The following FLI1 variants were observed in gnomAD, a reference collection of about 807,000 sequenced individuals.
FLI1 encodes Fli-1 proto-oncogene, ETS transcription factor.
In FLI1, 13 loss-of-function variants were observed where a neutral mutation model predicts 53.1. That is an observed-to-expected ratio of 0.24 (90% CI 0.16 to 0.39). The LOEUF is 0.39. Among genes scored for constraint, FLI1 ranks in the 10% least tolerant of loss-of-function variants. FLI1 has a pLI of 1.00. For missense variants in FLI1, 424 were observed against 600.5 expected (o/e 0.71, Z 3.07); for synonymous variants, 244 against 236.7 (o/e 1.03, Z -0.28).
chr11:128,733,085 T>C (rs909660909), intron 1 of FLI1, among the ~76,000 whole-genome samples: 2 of 152,208 alleles, frequency 1.3e-5, no homozygotes, highest in African/African-American at 4.8e-5. Context: ...TATCAGAGCC[T>C]TGAATATACT....
At chr11:128,801,346 T>C (rs1396767635) in intron 5 of FLI1, among the ~76,000 whole-genome samples, 3 of 152,212 alleles carry the variant, frequency 2.0e-5, no homozygotes, top group African/African-American at 7.2e-5. Flanking sequence ...ATTCAGGTTA[T>C]AGACATATCT....
At chr11:128,685,887 C>A (rs771847709), upstream of FLI1, among the ~76,000 whole-genome samples, 1 of 152,024 alleles carries the variant, frequency 6.6e-6, no homozygotes, top group Non-Finnish European at 1.5e-5. Flanking sequence ...AGGGAGAGAC[C>A]CACTCACGCA....
chr11:128,703,253 T>C (rs1366389939), intron 1 of FLI1, among the ~76,000 whole-genome samples: 3 of 152,238 alleles, frequency 2.0e-5, no homozygotes, highest in Non-Finnish European at 2.9e-5. Flanking sequence ...CTTGGTATAA[T>C]CTTTCCACAG....
At chr11:128,693,941 CGAGAGAGAGAGAGAGAGAGA>C (rs57930585), upstream of FLI1, 5,526 of 175,856 alleles carry the variant, frequency 0.031, 13 homozygotes, top group South Asian at 0.057. Context: ...GAGCTCGAGG[CGAGAGAGAGAGAGAGAGAGA>C]GAGAGAGAGA....
chr11:128,686,951 G>A (rs1438474190), intron 1 of FLI1: 2 of 162,214 alleles, frequency 1.2e-5, no homozygotes, highest in South Asian at 1.5e-4. Flanking sequence ...AGAGCCTGGC[G>A]AAGCCTGTGC....
At chr11:128,757,466 G>C (rs1201391159) in intron 1 of FLI1, among the ~76,000 whole-genome samples, 1 of 152,156 alleles carries the variant, frequency 6.6e-6, no homozygotes, top group Non-Finnish European at 1.5e-5. Context: ...GCAAACCACT[G>C]AGCATTTCTT....
intron 6 of FLI1, 70 bp from the exon 7 acceptor site, chr11:128,807,110 C>A: frequency 1.1e-6 from 1 of 876,118 alleles, no homozygotes; most frequent in Non-Finnish European, 1.7e-6. Context: ...GAAAGCACAT[C>A]TGTCAAGACG....
intron 5 of FLI1, among the ~76,000 whole-genome samples, chr11:128,784,594 C>T (rs574010987): frequency 1.4e-4 from 21 of 152,316 alleles, no homozygotes; most frequent in Admixed American, 1.2e-3. Flanking sequence ...TGTCTTGCTC[C>T]TCTATGCCTT....
intron 1 of FLI1, among the ~76,000 whole-genome samples, chr11:128,714,343 C>T (rs754872450): frequency 2.0e-4 from 31 of 152,240 alleles, no homozygotes; most frequent in Middle Eastern, 6.8e-3. Flanking sequence ...TCCTCAACTG[C>T]AGAACAGGGA....
At chr11:128,746,845 T>C (rs1440379475) in intron 1 of FLI1, among the ~76,000 whole-genome samples, 1 of 152,110 alleles carries the variant, frequency 6.6e-6, no homozygotes, top group East Asian at 1.9e-4. Context: ...AGCTGGGAGA[T>C]TAAGTAACTT....
At chr11:128,739,757 G>T (rs1230246088) in intron 1 of FLI1, among the ~76,000 whole-genome samples, 1 of 152,204 alleles carries the variant, frequency 6.6e-6, no homozygotes, top group Non-Finnish European at 1.5e-5. Context: ...AGTGCCTACA[G>T]TTATGAATGG....
Position 128,706,278 on chromosome 11 carries a change from C to T in FLI1, c.18+12002C>T, listed in dbSNP as rs557330581. 1.8e-3 allele frequency among the ~76,000 whole-genome samples: 274 copies of T among 152,292 alleles called. 1 individual carries two copies. Among genetic ancestry groups the T allele is most frequent in the African/African-American group, 6.4e-3 (264 of 41,566 alleles). ...ATCAAAGTCAGTTGAAGAAGAAATT[C>T]CAGAAATTGAGTTGAGATCGCTGCT... On this transcript the variant is annotated intron_variant, in intron 1 of 8. Coordinates refer to ENST00000527786, the MANE Select transcript of FLI1 (RefSeq NM_002017.5).
chr11:128,764,947 C>T, intron 2 of FLI1: 1 of 1,078,158 alleles, frequency 9.3e-7, no homozygotes, highest in Non-Finnish European at 1.3e-6. Flanking sequence ...GTGCAGAAGC[C>T]TGGGACCGAG....
intron 1 of FLI1, among the ~76,000 whole-genome samples, chr11:128,701,265 C>T (rs1367890942): frequency 6.6e-6 from 1 of 152,140 alleles, no homozygotes; most frequent in African/African-American, 2.4e-5. Context: ...GCCTTCTATC[C>T]TGGGCTACAA....
chr11:128,771,310 T>C (rs1941546630), intron 3 of FLI1, among the ~76,000 whole-genome samples: 1 of 152,176 alleles, frequency 6.6e-6, no homozygotes, highest in Admixed American at 6.5e-5. Context: ...TCCTCCACCT[T>C]CAGCACAACA....
chr11:128,728,388 A>G (rs1412093984), intron 1 of FLI1, among the ~76,000 whole-genome samples: 2 of 152,266 alleles, frequency 1.3e-5, no homozygotes, highest in Non-Finnish European at 2.9e-5. Context: ...CTGCGCAATG[A>G]GGGTGCTGCG....
chr11:128,794,020 G>T (rs185355980), intron 5 of FLI1, among the ~76,000 whole-genome samples: 1 of 152,314 alleles, frequency 6.6e-6, no homozygotes, highest in East Asian at 1.9e-4. Flanking sequence ...TGGGTGGGCC[G>T]TTTGGGTTTT....
At position 128,768,332 on chromosome 11, in the gene FLI1, G is replaced by A. The variant is rs370531760; in HGVS notation, c.385+60G>A. 1.5e-3 allele frequency: 2,334 copies of A among 1,591,008 alleles called. 22 individuals are homozygous for A. The African/African-American group carries it at 0.027, about 18-fold the overall frequency. On this transcript the variant is annotated intron_variant, in intron 3 of 8. Coordinates refer to ENST00000527786, the MANE Select transcript of FLI1 (RefSeq NM_002017.5). ...ACTTCCCCACTCTCTGGGGGGGCAG[G>A]GAGCATCTAAACCTTTATCTGATAC...
rs1941092222 is a variant in FLI1 at position 128,760,923 on chromosome 11, T to C, written c.230+2597T>C. ...AAGCCAGCAGCACCTCTCCTAGGCT[T>C]CTGCGGGGGCATCCTGCTCTCCCCA... On this transcript the variant is annotated intron_variant, in intron 2 of 8. Coordinates refer to ENST00000527786, the MANE Select transcript of FLI1 (RefSeq NM_002017.5). Among the ~76,000 whole-genome samples, 11 of 152,322 alleles carry C rather than the reference T, an allele frequency of 7.2e-5. No individual in the cohort carries two copies. The South Asian group carries it at 2.3e-3, about 32-fold the overall frequency.
Sources: allele counts gnomAD v4.1 joint callset (sites outside exome capture counted in the v4.1 genomes callset), GRCh38; gene constraint gnomAD v4.1.1; transcripts MANE v1.5; gene names NCBI Gene and HGNC (gene_info 2026-07-23, HGNC 2026-07-21).